EIF2S3: variants seen among roughly 807,000 people sequenced by gnomAD.
EIF2S3 encodes eukaryotic translation initiation factor 2 subunit 3.
EIF2S3 carries 2 observed loss-of-function variants against 31.7 expected under a neutral mutation model. That is an observed-to-expected ratio of 0.06 (90% confidence interval 0.03 to 0.20). The LOEUF (loss-of-function observed/expected upper bound fraction) is 0.20, where lower values mean the gene tolerates loss of function less well. EIF2S3 is among the 10% of genes least tolerant of loss of function. EIF2S3 has a pLI of 1.00. For synonymous variants in EIF2S3, 120 were observed against 126.7 expected, an observed-to-expected ratio of 0.95 and a Z score of 0.36; for missense variants, 96 against 359.3, an observed-to-expected ratio of 0.27 and a Z score of 5.92.
chrX:24,071,827 G>GA, intron 10 of EIF2S3, 100 bp downstream of exon 10: 1 of 895,284 alleles, frequency 1.1e-6, no homozygotes, highest in Non-Finnish European at 1.5e-6. Context: ...ATGAAATTAA[G>GA]AAAAAAAGAA....
chrX:24,059,937 A>G, intron 4 of EIF2S3, 151 bp from the exon 5 acceptor site: 1 of 445,933 alleles, frequency 2.2e-6, no homozygotes, highest in East Asian at 3.7e-5. Context: ...CAGCTGGTGA[A>G]CTTATTTCCA....
Position 24,073,800 on chromosome X carries a change from C to T in EIF2S3, c.1355+537C>T, listed in dbSNP as rs775874676. ...ATGCAAAACCAAATGAATTTGGGTT[C>T]GGTATTTCTATCGTCATTGGCTTTG... On this transcript the variant is annotated intron_variant, in intron 11 of 11. Transcript: ENST00000253039. 9.8e-5 allele frequency among the ~76,000 whole-genome samples: 11 copies of T among 112,161 alleles called. No homozygotes were observed. In the Admixed American group the frequency reaches 1.0e-3, roughly 11 times the overall value.
chrX:24,064,296 G>A lies in EIF2S3; in HGVS notation c.733G>A (p.Val245Ile). ...VCEYIVKKIP[V>I]PPRDFTSEPR... ...TGAGTACATAGTAAAGAAAATTCCA[G>A]TACCCCCAAGAGACTTTACTTCAGA... Residue 245 changes from valine to isoleucine, a missense_variant, in exon 7 of 12, where the codon GTA becomes ATA. Val to Ile is a conservative substitution (Grantham distance 29). Coordinates refer to ENST00000253039, the MANE Select transcript of EIF2S3 (RefSeq NM_001415.4). The A allele has an allele frequency of 1.7e-6, 2 of 1,198,091 alleles. No individual in the cohort carries two copies. The highest frequency in any genetic ancestry group is 2.2e-6 in the Non-Finnish European group (2 of 890,193).
chrX:24,055,236 C>G (rs1051051411), intron 1 of EIF2S3, among the ~76,000 whole-genome samples, 199 bp downstream of exon 1: 3 of 111,834 alleles, frequency 2.7e-5, no homozygotes, highest in African/African-American at 9.8e-5. Flanking sequence ...CAGGCGTGTA[C>G]GGTCGTGGGA....
intron 8 of EIF2S3, 32 bp downstream of exon 8, chrX:24,066,124 G>GTTTTT: frequency 2.5e-6 from 2 of 805,717 alleles, no homozygotes; most frequent in Non-Finnish European, 1.7e-6. Context: ...GTGATTTTGG[G>GTTTTT]TTTTTTTTTT....
chrX:24,058,706 T>TTTTA (rs946232829), intron 4 of EIF2S3, among the ~76,000 whole-genome samples: 5 of 106,988 alleles, frequency 4.7e-5, no homozygotes, highest in African/African-American at 1.4e-4. Flanking sequence ...TAGTTTTTAT[T>TTTTA]TTTATTTATT....
chrX:24,074,661 T>A (rs763118331), intron 11 of EIF2S3, among the ~76,000 whole-genome samples: 48 of 110,343 alleles, frequency 4.4e-4, no homozygotes, highest in African/African-American at 1.5e-3. Flanking sequence ...CATTTATCAT[T>A]TGGCATTCTT....
At chrX:24,056,002 G>T (rs1930397860) in intron 2 of EIF2S3, among the ~76,000 whole-genome samples, 1 of 111,947 alleles carries the variant, frequency 8.9e-6, no homozygotes, top group African/African-American at 3.2e-5. Flanking sequence ...TATTTCAAGG[G>T]CAGAATTTAT....
intron 5 of EIF2S3, among the ~76,000 whole-genome samples, chrX:24,060,783 GA>G (rs1419490391): frequency 1.9e-5 from 2 of 107,259 alleles, no homozygotes; most frequent in Non-Finnish European, 3.8e-5. Context: ...CCAACATGGA[GA>G]AACCCCCTCT....
At chrX:24,068,448 CT>C (rs375660956) in intron 9 of EIF2S3, among the ~76,000 whole-genome samples, 181 of 102,204 alleles carry the variant, frequency 1.8e-3, no homozygotes, top group Non-Finnish European at 1.5e-3. Flanking sequence ...TAATGGTTGC[CT>C]TTTTTTTTTT....
intron 9 of EIF2S3, among the ~76,000 whole-genome samples, chrX:24,069,498 C>A (rs149810338): frequency 1.7e-4 from 19 of 108,799 alleles, no homozygotes; most frequent in Non-Finnish European, 2.5e-4. Flanking sequence ...TGCTTGAGAC[C>A]AGGAGTTTGA....
chrX:24,067,345 C>T (rs901771888), intron 8 of EIF2S3, among the ~76,000 whole-genome samples: 6 of 111,045 alleles, frequency 5.4e-5, no homozygotes, highest in Admixed American at 1.9e-4. Flanking sequence ...AGCTATATTT[C>T]TTTGTTTTCT....
At chrX:24,064,475 G>T in intron 7 of EIF2S3, 140 bp downstream of exon 7, 1 of 775,879 alleles carries the variant, frequency 1.3e-6, no homozygotes, top group Non-Finnish European at 1.8e-6. Flanking sequence ...TTCTGAGATT[G>T]TATTGGCAGT....
chrX:24,060,414 A>C (rs1210562062), intron 5 of EIF2S3: 5 of 396,140 alleles, frequency 1.3e-5, no homozygotes, highest in African/African-American at 1.0e-4. Flanking sequence ...CATTTGAGAA[A>C]AAGAAAAAAA....
At chrX:24,074,824 G>T (rs748628843) in intron 11 of EIF2S3, among the ~76,000 whole-genome samples, 3 of 89,897 alleles carry the variant, frequency 3.3e-5, no homozygotes, top group African/African-American at 1.3e-4. Flanking sequence ...TGGCTCTTGT[G>T]TCCTTTTGAC....
In EIF2S3 at chrX:24,078,352, A is replaced by G. The variant is rs775251721; in HGVS notation, c.*1567A>G. 9.1e-6 allele frequency among the ~76,000 whole-genome samples: 1 copy of G among 110,436 alleles called. No individual in the cohort carries two copies. Among genetic ancestry groups the G allele is most frequent in the Admixed American group, 9.8e-5 (1 of 10,255 alleles). On this transcript the variant is annotated 3_prime_UTR_variant, in exon 12 of 12. Coordinates refer to ENST00000253039, the MANE Select transcript of EIF2S3 (RefSeq NM_001415.4). Reference sequence around the variant, plus strand: ...ATTTTTCTTTATGTTTTTGCTTCGTAAGAGGTTCTGTTGAGCAGTGATTTG... The same window carrying G: ...ATTTTTCTTTATGTTTTTGCTTCGTGAGAGGTTCTGTTGAGCAGTGATTTG...
chrX:24,069,108 G>A (rs934192763), intron 9 of EIF2S3, among the ~76,000 whole-genome samples: 4 of 111,481 alleles, frequency 3.6e-5, no homozygotes, highest in African/African-American at 9.7e-5. Context: ...TTGGCTGGGC[G>A]CAGTGTCTCA....
intron 4 of EIF2S3, among the ~76,000 whole-genome samples, chrX:24,058,934 AGGCTGGTCTCGAACTCCT>A (rs1930449287): frequency 9.2e-6 from 1 of 108,984 alleles, no homozygotes. Context: ...CATGTTGTAT[AGGCTGGTCTCGAACTCCT>A]GGCCTCAAGT....
At chrX:24,064,920 T>A (rs1346572037) in intron 7 of EIF2S3, among the ~76,000 whole-genome samples, 1 of 112,293 alleles carries the variant, frequency 8.9e-6, no homozygotes, top group Non-Finnish European at 1.9e-5. Flanking sequence ...CATGGAATCA[T>A]AATGTTTTAG....
Sources: gnomAD v4.1 joint callset for allele counts (sites outside exome capture counted in the v4.1 genomes callset) on GRCh38, gnomAD v4.1.1 for gene constraint, MANE v1.5 for transcripts, NCBI Gene and HGNC (gene_info 2026-07-23, HGNC 2026-07-21) for gene names.